The following DLG2 variants were observed in gnomAD, a reference collection of about 807,000 sequenced individuals.
The protein encoded by DLG2 is disks large homolog 2.
Under a neutral mutation model 132.5 loss-of-function variants are expected in DLG2, and 45 were observed. The observed-to-expected ratio is 0.34, with a 90% confidence interval of 0.27 to 0.44. The LOEUF is 0.44. DLG2 is among the 20% of genes least tolerant of loss of function. DLG2 has a pLI of 1.00. For synonymous variants in DLG2, 424 were observed against 419.6 expected (o/e 1.01, Z -0.13); for missense variants, 1,045 against 1,196.9 (o/e 0.87, Z 1.87).
At chr11:84,583,512 C>T (rs908626342) in intron 6 of DLG2, among the ~76,000 whole-genome samples, 11 of 152,176 alleles carry the variant, frequency 7.2e-5, no homozygotes, top group African/African-American at 2.7e-4. Context: ...TTAACAAACC[C>T]TAATGTTATG....
chr11:84,983,552 A>T (rs1480071022), intron 6 of DLG2, among the ~76,000 whole-genome samples: 1 of 152,210 alleles, frequency 6.6e-6, no homozygotes. Flanking sequence ...AGAAGGAACC[A>T]GGAAAACAAC....
At chr11:85,483,965 T>G (rs77902545) in intron 3 of DLG2, among the ~76,000 whole-genome samples, 1 of 150,526 alleles carries the variant, frequency 6.6e-6, no homozygotes, top group African/African-American at 2.5e-5. Flanking sequence ...AAGATGCAAA[T>G]TGGCCCGGGT....
intron 8 of DLG2, among the ~76,000 whole-genome samples, chr11:84,182,430 C>G (rs1233317827): frequency 1.3e-5 from 2 of 151,360 alleles, no homozygotes; most frequent in African/African-American, 2.4e-5. Flanking sequence ...ACTTGAAAGG[C>G]TGACGCAGGA....
At chr11:83,579,291 G>A (rs967216444) in intron 19 of DLG2, among the ~76,000 whole-genome samples, 2 of 152,192 alleles carry the variant, frequency 1.3e-5, no homozygotes, top group Non-Finnish European at 2.9e-5. Context: ...TCCAGAAGCT[G>A]ATGCAATTAT....
intron 6 of DLG2, among the ~76,000 whole-genome samples, chr11:84,751,382 A>G: frequency 6.6e-6 from 1 of 152,140 alleles, no homozygotes; most frequent in Admixed American, 6.6e-5. Flanking sequence ...GATTTCAAGC[A>G]GCAAGAAGGT....
At chr11:83,827,841 T>C (rs2053326416) in intron 17 of DLG2, among the ~76,000 whole-genome samples, 1 of 152,214 alleles carries the variant, frequency 6.6e-6, no homozygotes, top group South Asian at 2.1e-4. Flanking sequence ...TGTGACTGCA[T>C]GCTGAATGCC....
At chr11:83,878,135 T>C (rs1044141852) in intron 15 of DLG2, among the ~76,000 whole-genome samples, 2 of 152,152 alleles carry the variant, frequency 1.3e-5, no homozygotes, top group African/African-American at 2.4e-5. Context: ...TTCCTACATA[T>C]CCATAATAGC....
intron 15 of DLG2, among the ~76,000 whole-genome samples, chr11:83,875,568 G>T (rs956023002): frequency 1.3e-5 from 2 of 152,130 alleles, no homozygotes; most frequent in Non-Finnish European, 2.9e-5. Flanking sequence ...GATGGCAAGA[G>T]AATCTTTCAT....
chr11:84,269,894 T>C (rs982469954), intron 7 of DLG2, among the ~76,000 whole-genome samples: 2 of 152,224 alleles, frequency 1.3e-5, no homozygotes, highest in African/African-American at 2.4e-5. Context: ...CATTTGGTAA[T>C]ACTATCTCTC....
At chr11:84,936,833 T>G (rs1312609374) in intron 6 of DLG2, 1 of 152,126 alleles carries the variant, frequency 6.6e-6, no homozygotes, top group Non-Finnish European at 1.5e-5. Flanking sequence ...AACCTTACCT[T>G]TTAGAGGTTT....
chr11:83,578,075 T>TACACACACACAC (rs148521282), intron 19 of DLG2, among the ~76,000 whole-genome samples: 2,432 of 135,072 alleles, frequency 0.018, 37 homozygotes, highest in Middle Eastern at 0.073. Flanking sequence ...TATATATGTA[T>TACACACACACAC]ACACACACAC....
chr11:85,241,804 T>C (rs1161968278), intron 4 of DLG2, among the ~76,000 whole-genome samples: 1 of 151,954 alleles, frequency 6.6e-6, no homozygotes, highest in East Asian at 1.9e-4. Context: ...GTGGCCAGAT[T>C]AATAGAAGTC....
intron 6 of DLG2, among the ~76,000 whole-genome samples, chr11:84,803,746 C>A (rs1045599646): frequency 6.6e-6 from 1 of 152,168 alleles, no homozygotes; most frequent in Non-Finnish European, 1.5e-5. Context: ...AGGTCTGCCT[C>A]GACTAGCCCA....
At chr11:84,321,881 C>G (rs146811376) in intron 7 of DLG2, among the ~76,000 whole-genome samples, 1 of 152,292 alleles carries the variant, frequency 6.6e-6, no homozygotes, top group Non-Finnish European at 1.5e-5. Flanking sequence ...TCCCTGAATA[C>G]CGGGTCACCT....
At chr11:84,063,158 C>T (rs556314366) in intron 10 of DLG2, among the ~76,000 whole-genome samples, 74 of 152,310 alleles carry the variant, frequency 4.9e-4, no homozygotes, top group African/African-American at 1.7e-3. Context: ...TCCAATCTCA[C>T]TCTACCAATC....
At chr11:83,806,117 T>C (rs2045851227) in intron 17 of DLG2, among the ~76,000 whole-genome samples, 1 of 152,122 alleles carries the variant, frequency 6.6e-6, no homozygotes, top group Non-Finnish European at 1.5e-5. Flanking sequence ...GCCTTCTCCC[T>C]TGTCCAGGTC....
At chr11:84,751,341 A>G (rs1342048680) in intron 6 of DLG2, among the ~76,000 whole-genome samples, 1 of 152,128 alleles carries the variant, frequency 6.6e-6, no homozygotes, top group Non-Finnish European at 1.5e-5. Context: ...CATTTTTTAT[A>G]TGAAGAAACC....
intron 9 of DLG2, among the ~76,000 whole-genome samples, chr11:84,139,205 T>A (rs1454862098): frequency 1.3e-5 from 2 of 152,120 alleles, no homozygotes; most frequent in Non-Finnish European, 2.9e-5. Context: ...TCTCATTCAT[T>A]TCCTATTCAC....
At chr11:84,255,275 C>T (rs1266095254) in intron 7 of DLG2, among the ~76,000 whole-genome samples, 1 of 152,142 alleles carries the variant, frequency 6.6e-6, no homozygotes, top group African/African-American at 2.4e-5. Flanking sequence ...ATAGTTCCCA[C>T]CAAGTATTTT....
Sources: allele counts gnomAD v4.1 joint callset (sites outside exome capture counted in the v4.1 genomes callset), GRCh38; gene constraint gnomAD v4.1.1; transcripts MANE v1.5; gene names NCBI Gene and HGNC (gene_info 2026-07-23, HGNC 2026-07-21).